The following LRP12 variants were observed in gnomAD, a reference collection of about 807,000 sequenced individuals.
LRP12 encodes LDL receptor related protein 12.
LRP12 carries 14 observed loss-of-function variants against 66.0 expected under a neutral mutation model. The ratio of observed to expected loss-of-function variants is 0.21; its 90% CI spans 0.14 to 0.33. The LOEUF is 0.33. LRP12 is among the 10% of genes least tolerant of loss of function. The probability of loss-of-function intolerance (pLI) is 1.00; values close to 1 mark genes in which losing one functional copy is unlikely to be tolerated. For synonymous variants in LRP12, 357 were observed against 359.1 expected (o/e 0.99, Z 0.07); for missense variants, 889 against 1,053.4 (o/e 0.84, Z 2.16).
At chr8:104,559,620 T>G (rs1811870992) in intron 1 of LRP12, among the ~76,000 whole-genome samples, 1 of 151,610 alleles carries the variant, frequency 6.6e-6, no homozygotes, top group Non-Finnish European at 1.5e-5. Flanking sequence ...AAATAAAAAC[T>G]TTTTTAATTA....
intron 1 of LRP12, among the ~76,000 whole-genome samples, chr8:104,584,030 T>C (rs1453801958): frequency 6.6e-6 from 1 of 152,038 alleles, no homozygotes; most frequent in East Asian, 1.9e-4. Context: ...TGATAACATG[T>C]ATTTGAATAG....
intron 5 of LRP12, among the ~76,000 whole-genome samples, 174 bp downstream of exon 5, chr8:104,496,798 T>C (rs1430675965): frequency 1.3e-5 from 2 of 152,228 alleles, no homozygotes; most frequent in Admixed American, 1.3e-4. Context: ...GTTTGTAATG[T>C]GTCTGGCCTT....
intron 3 of LRP12, among the ~76,000 whole-genome samples, chr8:104,502,574 C>T (rs1422178053): frequency 6.6e-6 from 1 of 152,152 alleles, no homozygotes; most frequent in East Asian, 1.9e-4. Flanking sequence ...AGTCACTCCA[C>T]GTTGCACAGA....
At chr8:104,495,008 T>C in intron 6 of LRP12, 69 bp downstream of exon 6, 1 of 1,427,568 alleles carries the variant, frequency 7.0e-7, no homozygotes, top group South Asian at 1.4e-5. Context: ...GGTCTTTGCT[T>C]TATCATATAT....
intron 3 of LRP12, chr8:104,504,850 G>A (rs1810882543): frequency 6.6e-6 from 1 of 152,116 alleles, no homozygotes; most frequent in African/African-American, 2.4e-5. Flanking sequence ...ATGTATTTTA[G>A]GCTATGTAAT....
At chr8:104,545,486 T>G (rs527734005) in intron 1 of LRP12, among the ~76,000 whole-genome samples, 13 of 152,238 alleles carry the variant, frequency 8.5e-5, no homozygotes, top group African/African-American at 2.4e-4. Context: ...TGTGACAAAC[T>G]TCATTGCTGT....
intron 3 of LRP12, among the ~76,000 whole-genome samples, chr8:104,503,998 A>C (rs1175175058): frequency 9.2e-5 from 14 of 152,166 alleles, no homozygotes; most frequent in Admixed American, 9.2e-4. Flanking sequence ...TTCATTTAGT[A>C]AAACTTGCCT....
At chr8:104,537,799 A>G (rs1811411486) in intron 1 of LRP12, among the ~76,000 whole-genome samples, 1 of 152,212 alleles carries the variant, frequency 6.6e-6, no homozygotes, top group Non-Finnish European at 1.5e-5. Context: ...AAAAACATAG[A>G]GTAAAAGAAG....
At chr8:104,572,022 G>A (rs796472916) in intron 1 of LRP12, among the ~76,000 whole-genome samples, 3 of 152,304 alleles carry the variant, frequency 2.0e-5, no homozygotes, top group African/African-American at 7.2e-5. Context: ...TGAAAACAAT[G>A]GAAATGTCCT....
Position 104,497,640 on chromosome 8 carries a change from A to G in LRP12, c.912T>C (p.Phe304=). ...HRKVILRFTD[F]KLDGTGYGDY... is the part of the protein sequence containing the mutation. ...CACCATAACCAGTACCATCAAGTTT[A>G]AAGTCAGTGAAGCGTAAAATGACTT... The change falls in exon 5 of 7, where the codon TTT becomes TTC. Residue 304 remains phenylalanine, a synonymous_variant. Coordinates refer to ENST00000276654, the MANE Select transcript of LRP12 (RefSeq NM_013437.5). This position sits in a 1 kb window ranked among gnomAD's most constrained non-coding sequence, Gnocchi z 4.3. 1 of 1,614,160 alleles carries G rather than the reference A, an allele frequency of 6.2e-7. No homozygotes were observed. The highest frequency in any genetic ancestry group is 8.5e-7 in the Non-Finnish European group (1 of 1,180,018).
rs201507625 is a variant in LRP12 at position 104,586,835 on chromosome 8, C to CT, written c.79+1983dup. 1.8e-3 allele frequency among the ~76,000 whole-genome samples: 259 copies of CT among 146,870 alleles called. 4 individuals carry two copies. The highest frequency in any genetic ancestry group is 0.017 in the East Asian group (84 of 5,082). On this transcript the variant is annotated intron_variant, in intron 1 of 6. Transcript: ENST00000276654. ...AATGTTCTGCCTGGTTCACTACCTC[C>CT]TTTTTTTTTTTACACTTTGAAACCT... is the stretch of plus-strand genomic sequence containing the variant.
Position 104,490,814 on chromosome 8 carries a change from T to C in LRP12, c.2439A>G (p.Thr813=), listed in dbSNP as rs754757014. ...GATTACTTGGCCTTACTCCAGGATT[T>C]GTTGCATTATATGGTTGTCTAAGCC... ...GQGLRQPYNA[T]NPGVRPSNRD... Residue 813 remains threonine (T), a synonymous_variant, in exon 7 of 7, where the codon ACA becomes ACG. Coordinates refer to ENST00000276654, the MANE Select transcript of LRP12 (RefSeq NM_013437.5). 10 of 1,614,164 alleles carry C rather than the reference T, an allele frequency of 6.2e-6. No individual in the cohort carries two copies. The highest frequency in any genetic ancestry group is 8.5e-6 in the Non-Finnish European group (10 of 1,180,026).
At chr8:104,556,227 C>T (rs1340148094) in intron 1 of LRP12, among the ~76,000 whole-genome samples, 1 of 152,048 alleles carries the variant, frequency 6.6e-6, no homozygotes, top group Non-Finnish European at 1.5e-5. Context: ...AAATAGACAA[C>T]TTAAGGTCAC....
chr8:104,505,403 T>TC (rs1422726511), intron 3 of LRP12: 1 of 141,178 alleles, frequency 7.1e-6, no homozygotes, highest in African/African-American at 2.9e-5. Flanking sequence ...TCTTTCCTTT[T>TC]TTTTTTTTTT....
At chr8:104,576,094 A>T (rs1444568428) in intron 1 of LRP12, among the ~76,000 whole-genome samples, 1 of 152,218 alleles carries the variant, frequency 6.6e-6, no homozygotes, top group Non-Finnish European at 1.5e-5. Flanking sequence ...AGGAACAAAC[A>T]AAACCTCTGA....
At chr8:104,556,554 T>C (rs1811811490) in intron 1 of LRP12, among the ~76,000 whole-genome samples, 1 of 151,876 alleles carries the variant, frequency 6.6e-6, no homozygotes, top group Non-Finnish European at 1.5e-5. Context: ...GATGAATAAA[T>C]TCCTGAAAAA....
In LRP12 at chr8:104,497,884, A is replaced by G; in HGVS notation, c.668T>C (p.Leu223Ser). 6.2e-7 allele frequency: 1 copy of G among 1,614,226 alleles called. No individual in the cohort carries two copies. Among genetic ancestry groups the G allele is most frequent in the East Asian group, 2.2e-5 (1 of 44,884 alleles). ...QPCAYNQFQC[L>S]SRFTKVYTCL... Reference sequence around the variant, plus strand: ...AGTGTAAACTTTGGTAAAACGGGATAAACACTGGAACTGGTTGTAAGCACA... The same window carrying G: ...AGTGTAAACTTTGGTAAAACGGGATGAACACTGGAACTGGTTGTAAGCACA... The change falls in exon 5 of 7, where the codon TTA (leucine) becomes TCA (serine). Residue 223 changes from leucine to serine, a missense_variant. By Grantham distance (145) the Leu-to-Ser change is moderately radical. Coordinates refer to ENST00000276654, the MANE Select transcript of LRP12 (RefSeq NM_013437.5). This position sits in a 1 kb window ranked among gnomAD's most constrained non-coding sequence, Gnocchi z 4.3.
chr8:104,534,306 A>G, intron 1 of LRP12, among the ~76,000 whole-genome samples: 1 of 152,056 alleles, frequency 6.6e-6, no homozygotes, highest in East Asian at 1.9e-4. Flanking sequence ...ATGTCTATGC[A>G]TTTATATAAA....
At chr8:104,583,150 C>T (rs972594291) in intron 1 of LRP12, among the ~76,000 whole-genome samples, 1 of 152,144 alleles carries the variant, frequency 6.6e-6, no homozygotes, top group Non-Finnish European at 1.5e-5. Context: ...TCCCACTTCA[C>T]AACAATACTC....
Sources: gnomAD v4.1 joint callset for allele counts (sites outside exome capture counted in the v4.1 genomes callset) on GRCh38, gnomAD v4.1.1 for gene constraint, Gnocchi (gnomAD v3.1) non-coding constraint, MANE v1.5 for transcripts, NCBI Gene and HGNC (gene_info 2026-07-23, HGNC 2026-07-21) for gene names.